The following MCF2L variants were observed in gnomAD, a reference collection of about 807,000 sequenced individuals.
MCF2L encodes the protein MCF.2 cell line derived transforming sequence like.
In MCF2L, 97 loss-of-function variants were observed where a neutral mutation model predicts 153.4. The ratio of observed to expected loss-of-function variants is 0.63; its 90% CI spans 0.54 to 0.75. The LOEUF (loss-of-function observed/expected upper bound fraction) is 0.75. MCF2L is among the 30% of genes least tolerant of loss of function. The probability of loss-of-function intolerance (pLI) is 0.00; values close to 1 mark genes in which losing one functional copy is unlikely to be tolerated. For synonymous variants in MCF2L, 659 were observed against 632.2 expected (o/e 1.04, Z -0.64); for missense variants, 1,347 against 1,495.2 (o/e 0.90, Z 1.64).
chr13:112,921,286 A>G (rs1303770764), intron 2 of MCF2L, among the ~76,000 whole-genome samples: 1 of 152,240 alleles, frequency 6.6e-6, no homozygotes, highest in Non-Finnish European at 1.5e-5. Context: ...CAAACCAAGT[A>G]AGAAAACAGA....
At chr13:113,034,799 G>A (rs1421732943) in intron 3 of MCF2L, among the ~76,000 whole-genome samples, 3 of 152,232 alleles carry the variant, frequency 2.0e-5, no homozygotes, top group Non-Finnish European at 2.9e-5. Flanking sequence ...GCTCAGAACC[G>A]ACCTTCCTTG....
intron 4 of MCF2L, among the ~76,000 whole-genome samples, chr13:113,055,381 G>A (rs113776534): frequency 1.9e-4 from 1 of 5,330 alleles, no homozygotes; most frequent in African/African-American, 9.3e-4. Flanking sequence ...CCCCCCCCCC[G>A]CCACACACAC....
At chr13:112,906,327 C>G (rs1447032451) in intron 2 of MCF2L, among the ~76,000 whole-genome samples, 1 of 152,234 alleles carries the variant, frequency 6.6e-6, no homozygotes, top group Non-Finnish European at 1.5e-5. Flanking sequence ...CTGACTCACT[C>G]CACTAAAGGT....
chr13:113,086,654 A>G (rs888450799), intron 21 of MCF2L, among the ~76,000 whole-genome samples: 12 of 152,118 alleles, frequency 7.9e-5, no homozygotes, highest in Non-Finnish European at 1.3e-4. Context: ...CAGAAGGCAG[A>G]TGTCACTTTC....
At chr13:113,075,802 C>CCAG (rs2033411262) in intron 11 of MCF2L, among the ~76,000 whole-genome samples, 164 bp from the exon 12 acceptor site, 1 of 106,630 alleles carries the variant, frequency 9.4e-6, no homozygotes, top group Non-Finnish European at 2.1e-5. Context: ...TTGGCCTTGT[C>CCAG]CAGCACTGTG....
At chr13:113,057,057 T>TGA in intron 4 of MCF2L, among the ~76,000 whole-genome samples, 5 of 143,024 alleles carry the variant, frequency 3.5e-5, no homozygotes, top group African/African-American at 1.1e-4. Flanking sequence ...GTTTGGGTGC[T>TGA]GTGTGTTTGG....
At position 113,035,993 on chromosome 13, in the gene MCF2L, AG is replaced by A. The variant is rs1418608966; in HGVS notation, c.279-9275del. 6.6e-6 allele frequency among the ~76,000 whole-genome samples: 1 copy of A among 152,140 alleles called. No individual in the cohort carries two copies. The highest frequency in any genetic ancestry group is 1.5e-5 in the Non-Finnish European group (1 of 68,024). Reference sequence around the variant, plus strand: ...ATCTCCGTGGTACAGCAGGGGCCTGAGGGATGTTTGGCCTCAGCAGGTGGAG... The same window carrying A: ...ATCTCCGTGGTACAGCAGGGGCCTGAGGATGTTTGGCCTCAGCAGGTGGAG... On this transcript the variant is annotated intron_variant, in intron 3 of 29. Transcript: ENST00000535094. The surrounding 1 kb of genome is among the most constrained non-coding windows in gnomAD (Gnocchi z 4.4).
At chr13:112,980,025 G>T (rs2082348817) in intron 1 of MCF2L, among the ~76,000 whole-genome samples, 1 of 152,220 alleles carries the variant, frequency 6.6e-6, no homozygotes, top group African/African-American at 2.4e-5. Context: ...GCTCCGATTG[G>T]AAAGACGAGT....
Position 112,979,587 on chromosome 13 carries a change from A to T in MCF2L, c.79+10129A>T, listed in dbSNP as rs779785768. ...GAGACCCGAAGGCTGTGGCTCTAGC[A>T]TCAGGGGGTCGCCTGTGGTCCCTGC... is the stretch of plus-strand genomic sequence containing the variant. On this transcript the variant is annotated intron_variant, in intron 1 of 29. Transcript: ENST00000535094. 8.1e-6 allele frequency: 13 copies of T among 1,595,242 alleles called. No homozygotes were observed. The African/African-American group carries it at 1.6e-4, about 20-fold the overall frequency.
chr13:112,916,934 C>A (rs77211324), intron 2 of MCF2L, among the ~76,000 whole-genome samples: 1 of 152,122 alleles, frequency 6.6e-6, no homozygotes. Flanking sequence ...GCCTTCCTGC[C>A]GGACCTCTGA....
intron 4 of MCF2L, among the ~76,000 whole-genome samples, chr13:113,051,394 G>A (rs2087313389): frequency 6.6e-6 from 1 of 152,172 alleles, no homozygotes; most frequent in South Asian, 2.1e-4. Context: ...ATTGCAGGGG[G>A]AGGCAGCCCG....
chr13:113,015,912 G>T (rs533768134), intron 2 of MCF2L, among the ~76,000 whole-genome samples: 10 of 152,244 alleles, frequency 6.6e-5, no homozygotes, highest in African/African-American at 2.4e-4. Context: ...GAGAGGCGCC[G>T]TGGTTTCTGC....
intron 1 of MCF2L, among the ~76,000 whole-genome samples, chr13:112,980,656 C>CTTTCCCCCGCCTTCCCT (rs1359665461): frequency 6.6e-6 from 1 of 152,090 alleles, no homozygotes; most frequent in Non-Finnish European, 1.5e-5. Flanking sequence ...CCGCCTTCCC[C>CTTTCCCCCGCCTTCCCT]TTTCCCCCGC....
chr13:112,921,107 G>T (rs2081348310), intron 2 of MCF2L, among the ~76,000 whole-genome samples: 3 of 152,180 alleles, frequency 2.0e-5, no homozygotes, highest in Admixed American at 6.5e-5. Flanking sequence ...AATCCGGGAG[G>T]CAGAGCTTGC....
At chr13:112,945,091 A>G (rs567366798) in intron 2 of MCF2L, among the ~76,000 whole-genome samples, 33 of 147,624 alleles carry the variant, frequency 2.2e-4, no homozygotes, top group African/African-American at 7.1e-4. Context: ...GCTGCTGTTT[A>G]GGCTCAGTCT....
intron 1 of MCF2L, among the ~76,000 whole-genome samples, chr13:112,999,849 G>A (rs1472657237): frequency 2.6e-5 from 4 of 152,216 alleles, no homozygotes; most frequent in African/African-American, 2.4e-5. Flanking sequence ...AACATGCTTC[G>A]GACATTAGAG....
Position 113,092,852 on chromosome 13 carries a change from G to A in MCF2L, c.2954-1662G>A, listed in dbSNP as rs114545264. 1.3e-3 allele frequency among the ~76,000 whole-genome samples: 194 copies of A among 152,372 alleles called. 1 individual carries two copies. Among genetic ancestry groups the A allele is most frequent in the African/African-American group, 4.5e-3 (188 of 41,602 alleles). On this transcript the variant is annotated intron_variant, in intron 26 of 29. Coordinates refer to ENST00000535094, the MANE Select transcript of MCF2L (RefSeq NM_001112732.3). ...GCAGAGAGGCTCTGGGGAGCACTGA[G>A]CACCCACGGCCAGGGCAGCTCAAGA...
At chr13:112,905,138 A>G (rs1460965238) in intron 2 of MCF2L, among the ~76,000 whole-genome samples, 1 of 152,252 alleles carries the variant, frequency 6.6e-6, no homozygotes, top group Non-Finnish European at 1.5e-5. Context: ...ACGTAAATAA[A>G]GGATTTCTCA....
In MCF2L at chr13:113,082,466, C is replaced by T. The variant is rs1204368766; in HGVS notation, c.1915C>T (p.Leu639Phe). ...GATGGATAACCCACTGATGGCTCAC[C>T]TCCTGTCAACAGGCCTTCACAACAA... is the stretch of plus-strand genomic sequence containing the variant. The part of the protein sequence containing the change: ...AEMDNPLMAH[L>F]LSTGLHNKKD... Residue 639 changes from leucine to phenylalanine, a missense_variant, in exon 17 of 30, where the codon CTC (leucine) becomes TTC (phenylalanine). Leu to Phe is a conservative substitution (Grantham distance 22). Coordinates refer to ENST00000535094, the MANE Select transcript of MCF2L (RefSeq NM_001112732.3). 6.2e-7 allele frequency: 1 copy of T among 1,614,086 alleles called. No homozygotes were observed. The highest frequency in any genetic ancestry group is 2.2e-5 in the East Asian group (1 of 44,866).
Sources: gnomAD v4.1 joint callset for allele counts (sites outside exome capture counted in the v4.1 genomes callset) on GRCh38, gnomAD v4.1.1 for gene constraint, Gnocchi (gnomAD v3.1) non-coding constraint, MANE v1.5 for transcripts, NCBI Gene and HGNC (gene_info 2026-07-23, HGNC 2026-07-21) for gene names.